Variants in NR2E1 observed in about 807,000 individuals in gnomAD.
The protein encoded by NR2E1 is nuclear receptor subfamily 2 group E member 1.
Under a neutral mutation model 43.6 loss-of-function variants are expected in NR2E1, and 5 were observed. That is an observed-to-expected ratio of 0.11 (90% confidence interval 0.06 to 0.24). The LOEUF (loss-of-function observed/expected upper bound fraction) is 0.24. Among genes scored for constraint, NR2E1 ranks in the 10% least tolerant of loss-of-function variants. NR2E1 has a pLI of 1.00. For synonymous variants in NR2E1, 191 were observed against 195.5 expected (o/e 0.98, Z 0.19); for missense variants, 287 against 496.7 (o/e 0.58, Z 4.01).
chr6:108,166,689 C>T lies in NR2E1; in HGVS notation c.-77C>T. On this transcript the variant is annotated 5_prime_UTR_variant, in exon 1 of 9. Transcript: ENST00000368986. This position sits in a 1 kb window ranked among gnomAD's most constrained non-coding sequence, Gnocchi z 7.2. ...CTGGAGGGCAGCTGGAGAGCGGCGG[C>T]GCCCGGCGGCGAGGCGGGCGCTGCC... 4.7e-6 allele frequency: 6 copies of T among 1,290,052 alleles called. No homozygotes were observed. The highest frequency in any genetic ancestry group is 2.8e-5 in the East Asian group (1 of 36,210). 79.9% of individuals were successfully genotyped at this position (1,290,052 alleles called of 1,614,324 possible).
intron 3 of NR2E1, 27 bp from the exon 4 acceptor site, chr6:108,176,476 C>T (rs1430686109): frequency 1.2e-6 from 2 of 1,606,572 alleles, no homozygotes; most frequent in East Asian, 2.2e-5. Context: ...TAATCGCCGG[C>T]ATGCGTTTCT....
chr6:108,173,629 A>G (rs557244888), intron 2 of NR2E1, among the ~76,000 whole-genome samples: 18 of 152,394 alleles, frequency 1.2e-4, no homozygotes, highest in African/African-American at 4.1e-4. Flanking sequence ...TACTTACTCC[A>G]ACTCCAGAGT....
intron 8 of NR2E1, among the ~76,000 whole-genome samples, chr6:108,183,382 T>A (rs1450267584): frequency 2.0e-5 from 3 of 151,910 alleles, no homozygotes; most frequent in Non-Finnish European, 4.4e-5. Flanking sequence ...AATTTTATTA[T>A]GCCATTTAAA....
intron 3 of NR2E1, among the ~76,000 whole-genome samples, chr6:108,175,513 G>T (rs966687801): frequency 2.4e-4 from 37 of 152,252 alleles, no homozygotes; most frequent in Non-Finnish European, 4.4e-4. Flanking sequence ...GCAGGGTAAC[G>T]CCCGTGGGTG....
chr6:108,176,738 G>A lies in NR2E1; in HGVS notation c.495G>A (p.Lys165=). 6.4e-7 allele frequency: 1 copy of A among 1,561,344 alleles called. No homozygotes were observed. Among genetic ancestry groups the A allele is most frequent in the East Asian group, 2.3e-5 (1 of 42,656 alleles). ...TLVSLAQPTP[K]YPHEVNGTPM... is the part of the protein sequence containing the mutation. ...TGAGCCTGGCTCAGCCCACGCCCAA[G>A]GTCAGCGGCCTTGCTGGGCCCAAAG... The change falls in exon 4 of 9, where the codon AAG becomes AAA. Residue 165 remains lysine (K), a splice_region_variant and synonymous_variant. Coordinates refer to ENST00000368986, the MANE Select transcript of NR2E1 (RefSeq NM_003269.5).
chr6:108,167,649 T>G (rs1028002521), intron 1 of NR2E1, among the ~76,000 whole-genome samples: 1 of 152,110 alleles, frequency 6.6e-6, no homozygotes. Flanking sequence ...CCGGGGGCAT[T>G]TCAGTTCCCG....
intron 2 of NR2E1, among the ~76,000 whole-genome samples, chr6:108,171,982 A>T (rs1039543089): frequency 6.6e-6 from 1 of 152,164 alleles, no homozygotes; most frequent in African/African-American, 2.4e-5. Flanking sequence ...GAGCTTTGTT[A>T]TTGTGCCTGC....
At chr6:108,174,694 G>A in intron 2 of NR2E1, 142 bp from the exon 3 acceptor site, 2 of 688,270 alleles carry the variant, frequency 2.9e-6, no homozygotes, top group East Asian at 2.7e-5. Flanking sequence ...AGGCCCTCGC[G>A]TTTTGCAGGC....
rs1773969220 is a variant in NR2E1, at chr6:108,180,662, C to T, written c.740-145C>T. 1.2e-6 allele frequency: 1 copy of T among 821,186 alleles called. No individual in the cohort carries two copies. Among genetic ancestry groups the T allele is most frequent in the Admixed American group, 2.3e-5 (1 of 43,320 alleles). The allele number at this position is 821,186 out of a possible 1,614,324, so 50.9% of individuals were successfully genotyped here. A position where few individuals can be genotyped will look rare whatever the true frequency, so the allele number is the denominator to read the frequency against. Reference sequence around the variant, plus strand: ...CAAGAGAAGATTTTATATTAACTTTCATACAATATAGCCGGTTTACATGGA... The same window carrying T: ...CAAGAGAAGATTTTATATTAACTTTTATACAATATAGCCGGTTTACATGGA... On this transcript the variant is annotated intron_variant, in intron 6 of 8. Transcript: ENST00000368986. The surrounding 1 kb of genome is among the most constrained non-coding windows in gnomAD (Gnocchi z 5.4).
chr6:108,178,758 C>A, intron 5 of NR2E1: 1 of 197,218 alleles, frequency 5.1e-6, no homozygotes, highest in Non-Finnish European at 1.1e-5. Context: ...GGGCACAGTG[C>A]ACACCTCCTG....
At chr6:108,183,987 G>A (rs1286013591) in intron 8 of NR2E1, among the ~76,000 whole-genome samples, 1 of 152,146 alleles carries the variant, frequency 6.6e-6, no homozygotes, top group Admixed American at 6.5e-5. Flanking sequence ...GAGGTCAGGA[G>A]TTCAACACCA....
At chr6:108,171,644 G>A (rs2114672320) in intron 2 of NR2E1, 41 bp downstream of exon 2, 3 of 1,612,566 alleles carry the variant, frequency 1.9e-6, no homozygotes. Context: ...CCGCTCTGCT[G>A]CCTCCTCACT....
chr6:108,187,297 C>G lies in NR2E1; in HGVS notation c.996-4C>G, dbSNP rs760561487. 3.1e-6 allele frequency: 5 copies of G among 1,614,078 alleles called. No homozygotes were observed. The highest frequency in any genetic ancestry group is 8.5e-7 in the Non-Finnish European group (1 of 1,180,048). ...CCTTGTTTTCATGGCTTCTCACATT[C>G]CAGATATCCCACTCAACCCTGTCGC... is the stretch of plus-strand genomic sequence containing the variant. On this transcript the variant is annotated splice_polypyrimidine_tract_variant and splice_region_variant and intron_variant, in intron 8 of 8. Transcript: ENST00000368986.
intron 5 of NR2E1, chr6:108,178,943 T>C (rs1773943233): frequency 6.6e-6 from 1 of 152,570 alleles, no homozygotes; most frequent in Admixed American, 6.5e-5. Context: ...TTAGAAATGC[T>C]AACATTTTTC....
intron 8 of NR2E1, among the ~76,000 whole-genome samples, chr6:108,182,370 C>A (rs1381052333): frequency 6.6e-6 from 1 of 151,504 alleles, no homozygotes; most frequent in Non-Finnish European, 1.5e-5. Context: ...GATGAGAGAA[C>A]TTTCCAGAGA....
rs189715102 is a variant in NR2E1, at chr6:108,172,016, G to T, written c.171+413G>T. On this transcript the variant is annotated intron_variant, in intron 2 of 8. Coordinates refer to ENST00000368986, the MANE Select transcript of NR2E1 (RefSeq NM_003269.5). ...GCCCACCCCACACTCACTCCTAGCA[G>T]CATCAAGCTCAGTCCCCTGATCACT... Among the ~76,000 whole-genome samples, 451 of 152,324 alleles carry T rather than the reference G, an allele frequency of 3.0e-3. 2 individuals carry two copies. The highest frequency in any genetic ancestry group is 0.01 in the African/African-American group (424 of 41,572).
At chr6:108,171,349 A>C in intron 1 of NR2E1, 109 bp from the exon 2 acceptor site, 2 of 1,204,438 alleles carry the variant, frequency 1.7e-6, no homozygotes, top group Non-Finnish European at 2.5e-6. Flanking sequence ...ATCCCTTCAG[A>C]GGTCAGATTG....
At chr6:108,179,889 C>A (rs1452571089) in intron 5 of NR2E1, among the ~76,000 whole-genome samples, 2 of 152,134 alleles carry the variant, frequency 1.3e-5, no homozygotes, top group Admixed American at 6.6e-5. Context: ...CCAGCCCAGC[C>A]CCCTCAACCC....
At chr6:108,184,174 CAG>C (rs1774037603) in intron 8 of NR2E1, among the ~76,000 whole-genome samples, 1 of 152,090 alleles carries the variant, frequency 6.6e-6, no homozygotes, top group African/African-American at 2.4e-5. Context: ...CCCCAGGTAA[CAG>C]AGTGAGTGAG....
Sources: gnomAD v4.1 joint callset for allele counts (sites outside exome capture counted in the v4.1 genomes callset) on GRCh38, gnomAD v4.1.1 for gene constraint, Gnocchi (gnomAD v3.1) non-coding constraint, MANE v1.5 for transcripts, NCBI Gene and HGNC (gene_info 2026-07-23, HGNC 2026-07-21) for gene names.